SHLD1: variants seen among roughly 807,000 people sequenced by gnomAD.
SHLD1 encodes shieldin complex subunit 1.
SHLD1 carries 3 observed loss-of-function variants against 5.5 expected under a neutral mutation model. That is an observed-to-expected ratio of 0.54 (90% CI 0.25 to 1.40). SHLD1 has a LOEUF of 1.40. Ranked by LOEUF, SHLD1 falls within the 40% of genes most tolerant of loss-of-function variation. The pLI is 0.15. For missense variants in SHLD1, 210 were observed against 244.4 expected (o/e 0.86, Z 0.94); for synonymous variants, 92 against 94.3 (o/e 0.98, Z 0.14).
intron 1 of SHLD1, among the ~76,000 whole-genome samples, chr20:5,755,799 TC>T (rs1568485533): frequency 1.3e-5 from 2 of 152,122 alleles, no homozygotes; most frequent in Non-Finnish European, 2.9e-5. Flanking sequence ...CCTCAAGTGA[TC>T]CGCCCACCTC....
At chr20:5,839,022 G>C (rs780247065) in intron 2 of SHLD1, among the ~76,000 whole-genome samples, 24 of 152,166 alleles carry the variant, frequency 1.6e-4, no homozygotes, top group Non-Finnish European at 7.4e-5. Context: ...ACACCATGGA[G>C]ATAGATTGGA....
At chr20:5,826,677 A>C (rs2122426788) in intron 2 of SHLD1, among the ~76,000 whole-genome samples, 1 of 151,430 alleles carries the variant, frequency 6.6e-6, no homozygotes, top group South Asian at 2.1e-4. Flanking sequence ...CTGGTACCGG[A>C]CTCTCCTGGG....
chr20:5,815,855 C>T (rs1309665862), intron 2 of SHLD1, among the ~76,000 whole-genome samples: 1 of 152,046 alleles, frequency 6.6e-6, no homozygotes, highest in African/African-American at 2.4e-5. Context: ...CCATGATGGG[C>T]TGATTGCTTG....
In SHLD1 at chr20:5,813,945, C is replaced by CTTTTTTTTTTT. The variant is rs143110037; in HGVS notation, c.178+40917_178+40927dup. 6.8e-3 allele frequency among the ~76,000 whole-genome samples: 546 copies of CTTTTTTTTTTT among 79,976 alleles called. 3 individuals are homozygous for CTTTTTTTTTTT. The highest frequency in any genetic ancestry group is 0.01 in the Middle Eastern group (1 of 96). 52.5% of individuals were successfully genotyped at this position (79,976 alleles called of 152,430 possible). ...CTCAAACACCTTTTTCCTTTTCTTT[C>CTTTTTTTTTTT]TTTTTTTTTTTTTTTTTTTTTTTTT... is the stretch of plus-strand genomic sequence containing the variant. On this transcript the variant is annotated intron_variant, in intron 2 of 2. Coordinates refer to ENST00000303142, the MANE Select transcript of SHLD1 (RefSeq NM_152504.4).
intron 1 of SHLD1, 89 bp from the exon 2 acceptor site, chr20:5,772,772 AC>A: frequency 1.6e-6 from 2 of 1,237,006 alleles, no homozygotes; most frequent in Non-Finnish European, 2.2e-6. Context: ...AAAATAAAAA[AC>A]AAATAAAATT....
intron 2 of SHLD1, among the ~76,000 whole-genome samples, chr20:5,775,771 A>T (rs796755113): frequency 1.1e-4 from 16 of 152,030 alleles, no homozygotes; most frequent in African/African-American, 3.4e-4. Context: ...TAAAATGGAG[A>T]TGATAACAGC....
intron 2 of SHLD1, among the ~76,000 whole-genome samples, chr20:5,853,393 C>A (rs1030938254): frequency 6.6e-6 from 1 of 152,096 alleles, no homozygotes; most frequent in Non-Finnish European, 1.5e-5. Flanking sequence ...TTGCAGTCAG[C>A]CAAGATCGCG....
chr20:5,757,381 T>A (rs1267845529), intron 1 of SHLD1, among the ~76,000 whole-genome samples: 2 of 152,104 alleles, frequency 1.3e-5, no homozygotes, highest in Admixed American at 6.6e-5. Flanking sequence ...TTTCTCTCTT[T>A]ATTTTTTATT....
At chr20:5,799,383 CTCAACTTCCCGGGT>C (rs2087258766) in intron 2 of SHLD1, among the ~76,000 whole-genome samples, 1 of 151,906 alleles carries the variant, frequency 6.6e-6, no homozygotes, top group Non-Finnish European at 1.5e-5. Flanking sequence ...TCACTGCGGC[CTCAACTTCCCGGGT>C]TCAAACAATC....
At chr20:5,752,618 T>TA (rs1983824813) in intron 1 of SHLD1, among the ~76,000 whole-genome samples, 1 of 91,700 alleles carries the variant, frequency 1.1e-5, no homozygotes, top group African/African-American at 3.2e-5. Flanking sequence ...TTTTGGGGTT[T>TA]TTTTTTTTTT....
chr20:5,862,657 T>C (rs1014985977), intron 2 of SHLD1, among the ~76,000 whole-genome samples: 1 of 152,260 alleles, frequency 6.6e-6, no homozygotes, highest in African/African-American at 2.4e-5. Flanking sequence ...CTGCTATTAA[T>C]ACTGTGGTTT....
chr20:5,775,923 A>ATTTTTTTTTTTTTTTTTTTTTTTTTTTTT (rs533313849), intron 2 of SHLD1, among the ~76,000 whole-genome samples: 1 of 77,678 alleles, frequency 1.3e-5, no homozygotes, highest in Non-Finnish European at 2.4e-5. Flanking sequence ...TCAGCTCAGG[A>ATTTTTTTTTTTTTTTTTTTTTTTTTTTTT]TTTTTTTTTT....
chr20:5,827,406 A>G (rs1335525159), intron 2 of SHLD1, among the ~76,000 whole-genome samples: 1 of 152,246 alleles, frequency 6.6e-6, no homozygotes, highest in Admixed American at 6.5e-5. Context: ...CCAAGGGCAG[A>G]GCAGGGTGGA....
chr20:5,795,132 G>C (rs1013755458), intron 2 of SHLD1, among the ~76,000 whole-genome samples: 1 of 151,814 alleles, frequency 6.6e-6, no homozygotes, highest in Non-Finnish European at 1.5e-5. Context: ...CCAGCTACTC[G>C]GGGGGCTGAG....
intron 2 of SHLD1, among the ~76,000 whole-genome samples, chr20:5,810,835 G>C (rs1290247093): frequency 6.7e-6 from 1 of 150,020 alleles, no homozygotes; most frequent in Non-Finnish European, 1.5e-5. Flanking sequence ...AGGAGGTGGA[G>C]GTTACAGTGA....
At chr20:5,790,451 C>CTTTT (rs71197798) in intron 2 of SHLD1, among the ~76,000 whole-genome samples, 1 of 91,130 alleles carries the variant, frequency 1.1e-5, no homozygotes, top group Admixed American at 1.3e-4. Context: ...TAAAGGATTT[C>CTTTT]TTTTTTTTTT....
intron 2 of SHLD1, among the ~76,000 whole-genome samples, chr20:5,829,252 A>G (rs182434438): frequency 1.3e-5 from 2 of 152,192 alleles, no homozygotes; most frequent in Non-Finnish European, 2.9e-5. Context: ...ATGAAAAAAG[A>G]TTATCTTTTG....
chr20:5,860,352 A>C (rs1337447716), intron 2 of SHLD1, among the ~76,000 whole-genome samples: 2 of 152,178 alleles, frequency 1.3e-5, no homozygotes, highest in Non-Finnish European at 2.9e-5. Flanking sequence ...ATTTTTTTAC[A>C]ACAATTTTTT....
rs559115430 is a variant in SHLD1, at chr20:5,819,503, T to A, written c.179-43521T>A. Among the ~76,000 whole-genome samples, 4 of 152,318 alleles carry A rather than the reference T, an allele frequency of 2.6e-5. No homozygotes were observed. In the East Asian group the frequency reaches 7.7e-4, roughly 29 times the overall value. ...GCACTGTAGGAACAACACCGACTAT[T>A]GTCATGTTGGCTGTTGTCATATTAA... On this transcript the variant is annotated intron_variant, in intron 2 of 2. Transcript: ENST00000303142.
Sources: gnomAD v4.1 joint callset for allele counts (sites outside exome capture counted in the v4.1 genomes callset) on GRCh38, gnomAD v4.1.1 for gene constraint, MANE v1.5 for transcripts, NCBI Gene and HGNC (gene_info 2026-07-23, HGNC 2026-07-21) for gene names.